Variants in FSCN2 observed in about 807,000 individuals in gnomAD.
FSCN2 encodes the protein fascin-2.
Under a neutral mutation model 37.8 loss-of-function variants are expected in FSCN2, and 46 were observed. That is an observed-to-expected ratio of 1.22 (90% CI 0.96 to 1.56). The LOEUF (loss-of-function observed/expected upper bound fraction) is 1.56. Ranked by LOEUF, FSCN2 falls within the 40% of genes most tolerant of loss-of-function variation. FSCN2 has a pLI of 0.00. For missense variants in FSCN2, 844 were observed against 730.4 expected, an observed-to-expected ratio of 1.16 and a Z score of -1.79; for synonymous variants, 351 against 309.4, an observed-to-expected ratio of 1.13 and a Z score of -1.41.
upstream of FSCN2, among the ~76,000 whole-genome samples, chr17:81,525,787 A>C (rs1224569706): frequency 1.3e-5 from 2 of 152,258 alleles, no homozygotes; most frequent in Non-Finnish European, 2.9e-5. Context: ...GGCACTTATT[A>C]AGTACCTGCT....
At chr17:81,531,891 ATGATGGTGATAG>A (rs1438379435) in intron 1 of FSCN2, among the ~76,000 whole-genome samples, 27 of 49,054 alleles carry the variant, frequency 5.5e-4, no homozygotes, top group African/African-American at 1.8e-3. Flanking sequence ...GGTGATGGCG[ATGATGGTGATAG>A]TGATGGTGAT....
upstream of FSCN2, chr17:81,527,276 AAGGGGCCTGTGGCCC>A (rs1289105349): frequency 2.6e-5 from 4 of 152,272 alleles, no homozygotes; most frequent in Non-Finnish European, 5.9e-5. Context: ...CCATGACCGG[AAGGGGCCTGTGGCCC>A]CTGTTCCCAG....
At position 81,529,528 on chromosome 17, in the gene FSCN2, G is replaced by A. The variant is rs782046450; in HGVS notation, c.826+171G>A. The A allele has an allele frequency of 6.4e-6, 5 of 775,488 alleles. No individual in the cohort carries two copies. In the East Asian group the frequency reaches 1.2e-4, roughly 19 times the overall value. The allele number at this position is 775,488 out of a possible 1,614,324, so 48.0% of individuals were successfully genotyped here. On this transcript the variant is annotated intron_variant, in intron 1 of 4. Coordinates refer to ENST00000417245, the MANE Select transcript of FSCN2 (RefSeq NM_012418.4). ...GTGGCCACTCAGGGTGTAGGTGGGTGGGCCTCGGGCCATGCCCAGGCGACC... is the reference window on the plus strand; with the variant it reads ...GTGGCCACTCAGGGTGTAGGTGGGTAGGCCTCGGGCCATGCCCAGGCGACC...
the FSCN2 span, among the ~76,000 whole-genome samples, chr17:81,522,347 C>CTA: frequency 6.6e-6 from 1 of 152,224 alleles, no homozygotes; most frequent in African/African-American, 2.4e-5. Flanking sequence ...ATTTCATTAA[C>CTA]TATAGGCAAT....
chr17:81,525,164 G>A (rs1248000112), upstream of FSCN2, among the ~76,000 whole-genome samples: 4 of 151,958 alleles, frequency 2.6e-5, no homozygotes, highest in Middle Eastern at 3.2e-3. Context: ...GGTGGCTCAC[G>A]CCTGTAATCC....
At chr17:81,535,454 C>T in intron 2 of FSCN2, among the ~76,000 whole-genome samples, 1 of 131,896 alleles carries the variant, frequency 7.6e-6, no homozygotes. Flanking sequence ...TCCGCATCCC[C>T]ATCTCCATCC....
the FSCN2 span, among the ~76,000 whole-genome samples, chr17:81,515,516 G>C: frequency 2.6e-5 from 4 of 152,242 alleles, no homozygotes; most frequent in Non-Finnish European, 4.4e-5. Context: ...TCATGACCTT[G>C]TTATGTCTTA....
chr17:81,524,583 TG>T, upstream of FSCN2, among the ~76,000 whole-genome samples: 1 of 152,162 alleles, frequency 6.6e-6, no homozygotes, highest in Non-Finnish European at 1.5e-5. Flanking sequence ...AGTGGTTGGT[TG>T]GCACCTCCGG....
At chr17:81,534,406 T>C (rs770518411) in intron 1 of FSCN2, among the ~76,000 whole-genome samples, 1 of 152,014 alleles carries the variant, frequency 6.6e-6, no homozygotes, top group Non-Finnish European at 1.5e-5. Flanking sequence ...GGGAGGTGGT[T>C]TGTGGGAGGA....
chr17:81,521,448 C>T, the FSCN2 span, among the ~76,000 whole-genome samples: 7 of 151,198 alleles, frequency 4.6e-5, no homozygotes, highest in Non-Finnish European at 5.9e-5. Flanking sequence ...ACTGTAACCT[C>T]GACCTCCCAG....
At chr17:81,520,524 G>A in the FSCN2 span, among the ~76,000 whole-genome samples, 40 of 152,382 alleles carry the variant, frequency 2.6e-4, 1 homozygote, top group Non-Finnish European at 8.8e-5. Flanking sequence ...ACCAAGCTGG[G>A]AAGGTGAGCC....
chr17:81,531,327 G>GTGATGGTGGTGGTGGTGA (rs1568077151), intron 1 of FSCN2, among the ~76,000 whole-genome samples: 1 of 103,824 alleles, frequency 9.6e-6, no homozygotes, highest in African/African-American at 4.8e-5. Flanking sequence ...GATGATGGTG[G>GTGATGGTGGTGGTGGTGA]TGGTGGTGAT....
At chr17:81,531,408 A>G (rs868987480) in intron 1 of FSCN2, among the ~76,000 whole-genome samples, 23 of 67,846 alleles carry the variant, frequency 3.4e-4, no homozygotes, top group Admixed American at 5.7e-4. Flanking sequence ...GGTGATGGTG[A>G]TGGTGGTGGT....
At chr17:81,534,769 T>G (rs1280592787) in intron 1 of FSCN2, among the ~76,000 whole-genome samples, 1 of 151,712 alleles carries the variant, frequency 6.6e-6, no homozygotes, top group African/African-American at 2.4e-5. Flanking sequence ...GATTACTGAT[T>G]AGCAGAGAGT....
the FSCN2 span, among the ~76,000 whole-genome samples, chr17:81,518,850 G>A: frequency 2.6e-5 from 4 of 152,248 alleles, no homozygotes; most frequent in Admixed American, 2.6e-4. Flanking sequence ...GTCAGGGCGG[G>A]ACAAGGGCAA....
the FSCN2 span, among the ~76,000 whole-genome samples, chr17:81,517,965 A>G: frequency 2.0e-5 from 3 of 152,182 alleles, no homozygotes; most frequent in Non-Finnish European, 4.4e-5. Context: ...TCATGTGGCC[A>G]TGCCTGCTCC....
Position 81,531,831 on chromosome 17 carries a change from G to A in FSCN2, c.826+2474G>A, listed in dbSNP as rs371318543. ...GATGATGGTGGTGGTGATGGTGGTGGTGGTGATGGTGGTGATGGTGATGGT... is the reference window on the plus strand; with the variant it reads ...GATGATGGTGGTGGTGATGGTGGTGATGGTGATGGTGGTGATGGTGATGGT... On this transcript the variant is annotated intron_variant, in intron 1 of 4. Transcript: ENST00000417245. 1.8e-3 allele frequency among the ~76,000 whole-genome samples: 183 copies of A among 100,206 alleles called. 15 individuals carry two copies. Among genetic ancestry groups the A allele is most frequent in the African/African-American group, 8.2e-3 (165 of 20,116 alleles). 65.7% of individuals were successfully genotyped at this position (100,206 alleles called of 152,430 possible).
the FSCN2 span, among the ~76,000 whole-genome samples, chr17:81,519,857 C>A: frequency 6.6e-6 from 1 of 152,328 alleles, no homozygotes; most frequent in East Asian, 1.9e-4. Flanking sequence ...AACACGAGGA[C>A]CCTGGCCCTG....
chr17:81,521,159 C>T, the FSCN2 span, among the ~76,000 whole-genome samples: 1 of 152,164 alleles, frequency 6.6e-6, no homozygotes, highest in East Asian at 1.9e-4. Context: ...CCTCTCCCTC[C>T]CAGGTTCAAG....
Sources: gnomAD v4.1 joint callset for allele counts (sites outside exome capture counted in the v4.1 genomes callset) on GRCh38, gnomAD v4.1.1 for gene constraint, MANE v1.5 for transcripts, NCBI Gene and HGNC (gene_info 2026-07-23, HGNC 2026-07-21) for gene names.